Variants in SPACA7 observed in about 807,000 individuals in gnomAD.
SPACA7 encodes sperm acrosome-associated protein 7.
SPACA7 carries 19 observed loss-of-function variants against 26.3 expected under a neutral mutation model. The ratio of observed to expected loss-of-function variants is 0.72; its 90% CI spans 0.50 to 1.06. The LOEUF is 1.06. Ranked by LOEUF, SPACA7 falls within the 50% of genes least tolerant of loss-of-function variation. The pLI, the probability that SPACA7 is intolerant of heterozygous loss-of-function variation, is 0.00. For missense variants in SPACA7, 211 were observed against 229.9 expected (o/e 0.92, Z 0.53); for synonymous variants, 84 against 84.5 (o/e 0.99, Z 0.04).
At chr13:112,406,507 T>A (rs1313958231) in intron 5 of SPACA7, among the ~76,000 whole-genome samples, 2 of 152,200 alleles carry the variant, frequency 1.3e-5, no homozygotes, top group African/African-American at 4.8e-5. Flanking sequence ...TAAAAACTCC[T>A]AAAACCCAAC....
intron 1 of SPACA7, among the ~76,000 whole-genome samples, chr13:112,376,824 C>T (rs1402176769): frequency 6.6e-6 from 1 of 152,140 alleles, no homozygotes; most frequent in Non-Finnish European, 1.5e-5. Context: ...CACATACACA[C>T]ACTTTTCTTG....
chr13:112,422,306 G>A (rs1876066237), intron 5 of SPACA7, among the ~76,000 whole-genome samples: 1 of 152,090 alleles, frequency 6.6e-6, no homozygotes, highest in African/African-American at 2.4e-5. Flanking sequence ...AGCCAACCTT[G>A]ATAGAAATGA....
At chr13:112,381,986 T>C (rs1321289350) in intron 1 of SPACA7, among the ~76,000 whole-genome samples, 1 of 152,182 alleles carries the variant, frequency 6.6e-6, no homozygotes, top group South Asian at 2.1e-4. Context: ...TTGGGGCTAA[T>C]GTTAGCCCTA....
rs1019057000 is a variant in SPACA7 at position 112,381,370 on chromosome 13, A to G, written c.94+4891A>G. On this transcript the variant is annotated intron_variant, in intron 1 of 6. Coordinates refer to ENST00000283550, the MANE Select transcript of SPACA7 (RefSeq NM_145248.5). ...TAGCAGGGTGTGGTGGCATGTGTCT[A>G]TAGTTCTGGCTGCTTGGGAGGCTCA... 2.0e-5 allele frequency among the ~76,000 whole-genome samples: 3 copies of G among 152,038 alleles called. No homozygotes were observed. The South Asian group carries it at 6.2e-4, about 32-fold the overall frequency.
chr13:112,403,219 C>T (rs1885757705), intron 5 of SPACA7, among the ~76,000 whole-genome samples: 1 of 152,066 alleles, frequency 6.6e-6, no homozygotes, highest in Non-Finnish European at 1.5e-5. Flanking sequence ...CTATATTTCC[C>T]TAGGAAGTTA....
intron 5 of SPACA7, among the ~76,000 whole-genome samples, chr13:112,413,004 C>T (rs527982481): frequency 8.5e-5 from 13 of 152,250 alleles, no homozygotes; most frequent in South Asian, 8.3e-4. Context: ...TGCATTTTCA[C>T]GTTTTGTTGC....
At chr13:112,418,425 T>C (rs1184505514) in intron 5 of SPACA7, among the ~76,000 whole-genome samples, 2 of 152,102 alleles carry the variant, frequency 1.3e-5, no homozygotes, top group Non-Finnish European at 2.9e-5. Context: ...ACACCCTCAG[T>C]AAAAGGATAG....
intron 5 of SPACA7, among the ~76,000 whole-genome samples, chr13:112,405,366 T>C (rs1885920144): frequency 6.6e-6 from 1 of 152,200 alleles, no homozygotes; most frequent in Admixed American, 6.5e-5. Flanking sequence ...TTTAAATGTA[T>C]TTCACAGATT....
At chr13:112,410,353 C>T (rs1252907652) in intron 5 of SPACA7, among the ~76,000 whole-genome samples, 6 of 151,484 alleles carry the variant, frequency 4.0e-5, no homozygotes, top group African/African-American at 1.5e-4. Flanking sequence ...TACCCTAGAA[C>T]TTAAAGTACA....
chr13:112,434,605 C>A lies in SPACA7; in HGVS notation c.*56C>A. 7.0e-7 allele frequency: 1 copy of A among 1,432,954 alleles called. No individual in the cohort carries two copies. Among genetic ancestry groups the A allele is most frequent in the Non-Finnish European group, 9.6e-7 (1 of 1,037,334 alleles). The allele number at this position is 1,432,954 out of a possible 1,614,324, so 88.8% of individuals were successfully genotyped here. On this transcript the variant is annotated 3_prime_UTR_variant, in exon 7 of 7. Transcript: ENST00000283550. Reference sequence around the variant, plus strand: ...AGGAGCCTGCTAGAACCCCCACCCACCAGCCTCCGGAACAGGGCACTTGTG... The same window carrying A: ...AGGAGCCTGCTAGAACCCCCACCCAACAGCCTCCGGAACAGGGCACTTGTG...
At chr13:112,398,329 A>C in intron 3 of SPACA7, among the ~76,000 whole-genome samples, 191 bp downstream of exon 3, 1 of 151,948 alleles carries the variant, frequency 6.6e-6, no homozygotes, top group Non-Finnish European at 1.5e-5. Flanking sequence ...AGAGGAAGTC[A>C]ACCCTAGACT....
At chr13:112,421,974 G>A (rs529156192) in intron 5 of SPACA7, among the ~76,000 whole-genome samples, 46 of 152,280 alleles carry the variant, frequency 3.0e-4, no homozygotes, top group African/African-American at 8.4e-4. Context: ...TGGAGAATGG[G>A]AGGAGGGAGA....
At chr13:112,424,211 G>C (rs568947300) in intron 5 of SPACA7, among the ~76,000 whole-genome samples, 2 of 152,342 alleles carry the variant, frequency 1.3e-5, no homozygotes, top group Non-Finnish European at 2.9e-5. Context: ...GTCTCCACCA[G>C]CATCTCTGCT....
chr13:112,430,605 G>C (rs1457178014), intron 5 of SPACA7, among the ~76,000 whole-genome samples: 3 of 152,256 alleles, frequency 2.0e-5, no homozygotes, highest in East Asian at 3.9e-4. Flanking sequence ...GCAAGGACTG[G>C]GGTGATGGCC....
At position 112,399,066 on chromosome 13, in the gene SPACA7, A is replaced by G. The variant is rs372446048; in HGVS notation, c.242A>G (p.His81Arg). The G allele has an allele frequency of 1.3e-4, 208 of 1,582,002 alleles. No homozygotes were observed. Among genetic ancestry groups the G allele is most frequent in the Non-Finnish European group, 1.8e-4 (202 of 1,153,020 alleles). ...TTTTTTTCCATGTTCTTCATTGAAGATGCTGGTATTGATGAGAATTATCAA... is the reference window on the plus strand; with the variant it reads ...TTTTTTTCCATGTTCTTCATTGAAGGTGCTGGTATTGATGAGAATTATCAA... ...STASTLSTPL[H>R]AGIDENYQAG... The change falls in exon 4 of 7, where the codon CAT (histidine) becomes CGT (arginine). Residue 81 changes from histidine to arginine, a missense_variant and splice_region_variant. His to Arg is a conservative substitution (Grantham distance 29, BLOSUM62 0). Transcript: ENST00000283550.
chr13:112,383,129 GAAAGAAAGAAAGAAAGAAAGAA>G (rs1335082102), intron 1 of SPACA7, among the ~76,000 whole-genome samples: 2 of 8,278 alleles, frequency 2.4e-4, no homozygotes, highest in African/African-American at 5.0e-4. Context: ...AGAAAAGAAA[GAAAGAAAGAAAGAAAGAAAGAA>G]AGAAAGAAAG....
At chr13:112,417,318 T>C (rs756884992) in intron 5 of SPACA7, among the ~76,000 whole-genome samples, 11 of 152,170 alleles carry the variant, frequency 7.2e-5, no homozygotes, top group African/African-American at 2.2e-4. Flanking sequence ...TATTTCCTCA[T>C]TGATGTTTTT....
chr13:112,389,197 T>C (rs879909816), intron 1 of SPACA7, among the ~76,000 whole-genome samples: 23 of 152,350 alleles, frequency 1.5e-4, no homozygotes, highest in Non-Finnish European at 3.2e-4. Context: ...TCTCCCATAG[T>C]TAGTTCGGCC....
chr13:112,410,303 C>T (rs1347870375), intron 5 of SPACA7, among the ~76,000 whole-genome samples: 1 of 151,756 alleles, frequency 6.6e-6, no homozygotes, highest in Non-Finnish European at 1.5e-5. Context: ...CAACATGATG[C>T]ATGTGTACAT....
Sources: allele counts gnomAD v4.1 joint callset (sites outside exome capture counted in the v4.1 genomes callset), GRCh38; gene constraint gnomAD v4.1.1; transcripts MANE v1.5; gene names NCBI Gene and HGNC (gene_info 2026-07-23, HGNC 2026-07-21).